Variants in NDE1 observed in about 807,000 individuals in gnomAD.
NDE1 encodes the protein nudE neurodevelopment protein 1.
Under a neutral mutation model 43.4 loss-of-function variants are expected in NDE1, and 28 were observed. The ratio of observed to expected loss-of-function variants is 0.65; its 90% CI spans 0.48 to 0.89. The LOEUF is 0.89. NDE1 is among the 40% of genes least tolerant of loss of function. The pLI, the probability that NDE1 is intolerant of heterozygous loss-of-function variation, is 0.00. For synonymous variants in NDE1, 184 were observed against 172.0 expected (o/e 1.07, Z -0.55); for missense variants, 441 against 434.1 (o/e 1.02, Z -0.14).
At chr16:15,644,884 A>C (rs1039594673) in intron 1 of NDE1, among the ~76,000 whole-genome samples, 8 of 152,140 alleles carry the variant, frequency 5.3e-5, no homozygotes, top group Non-Finnish European at 1.2e-4. Flanking sequence ...TTTAGCCAGA[A>C]AACATCAAAG....
chr16:15,722,161 A>T (rs1001169198), intron 8 of NDE1, among the ~76,000 whole-genome samples: 6 of 152,076 alleles, frequency 3.9e-5, no homozygotes, highest in Non-Finnish European at 8.8e-5. Flanking sequence ...ACCTGGCCAA[A>T]TCCTTGTGCT....
At chr16:15,664,430 C>T (rs2037199160) in intron 1 of NDE1, among the ~76,000 whole-genome samples, 1 of 152,098 alleles carries the variant, frequency 6.6e-6, no homozygotes, top group Non-Finnish European at 1.5e-5. Context: ...CATCTCGGCT[C>T]ACTGCAAGCT....
At chr16:15,715,115 G>A (rs2040049902) in intron 8 of NDE1, 2 of 1,612,308 alleles carry the variant, frequency 1.2e-6, no homozygotes, top group African/African-American at 2.7e-5. Context: ...GGTTAGGGGA[G>A]GCCGGCTGGG....
In NDE1 at chr16:15,724,884, T is replaced by C; in HGVS notation, c.*633T>C. 6.2e-7 allele frequency: 1 copy of C among 1,613,814 alleles called. No individual in the cohort carries two copies. Among genetic ancestry groups the C allele is most frequent in the East Asian group, 2.2e-5 (1 of 44,870 alleles). On this transcript the variant is annotated 3_prime_UTR_variant, in exon 9 of 9. Coordinates refer to ENST00000396354, the MANE Select transcript of NDE1 (RefSeq NM_017668.3). ...TCCCCTGGATGATGTGGCAGGACAC[T>C]CACCTGGGTGTCCTGGAGCTGGGAA...
At chr16:15,658,246 AT>A (rs1247262359) in intron 1 of NDE1, among the ~76,000 whole-genome samples, 1 of 152,188 alleles carries the variant, frequency 6.6e-6, no homozygotes, top group Non-Finnish European at 1.5e-5. Context: ...AGAGAGTTTC[AT>A]TTTTGACAGC....
chr16:15,709,487 A>G (rs762795109), intron 8 of NDE1, among the ~76,000 whole-genome samples: 1 of 151,930 alleles, frequency 6.6e-6, no homozygotes, highest in Non-Finnish European at 1.5e-5. Context: ...GCTAATTTTC[A>G]TATTTTTAGT....
At chr16:15,654,321 C>T (rs1201335014) in intron 1 of NDE1, among the ~76,000 whole-genome samples, 3 of 151,856 alleles carry the variant, frequency 2.0e-5, no homozygotes, top group East Asian at 1.9e-4. Context: ...ATGTGAGGGC[C>T]GGGTGCAATG....
chr16:15,680,350 A>G (rs1346539899), intron 4 of NDE1, among the ~76,000 whole-genome samples: 1 of 152,102 alleles, frequency 6.6e-6, no homozygotes, highest in Non-Finnish European at 1.5e-5. Flanking sequence ...AAATCTTGTA[A>G]AGATGCAGAC....
chr16:15,654,734 T>A (rs1183771994), intron 1 of NDE1, among the ~76,000 whole-genome samples: 1 of 148,462 alleles, frequency 6.7e-6, no homozygotes, highest in African/African-American at 2.5e-5. Context: ...TGAACTTGGA[T>A]CTAGTTTGCC....
Position 15,725,170 on chromosome 16 carries a change from A to G in NDE1, c.*919A>G. The stretch of plus-strand genomic sequence containing the variant: ...AAAAACACACACACACACAAAAAAA[A>G]CAGAATCTGTGGCTTGAAGGGAACT... On this transcript the variant is annotated 3_prime_UTR_variant, in exon 9 of 9. Coordinates refer to ENST00000396354, the MANE Select transcript of NDE1 (RefSeq NM_017668.3). 1.6e-6 allele frequency: 1 copy of G among 641,310 alleles called. No individual in the cohort carries two copies. The highest frequency in any genetic ancestry group is 2.7e-6 in the Non-Finnish European group (1 of 366,448). 39.7% of individuals were successfully genotyped at this position (641,310 alleles called of 1,614,324 possible). A position where few individuals can be genotyped will look rare whatever the true frequency, so the allele number is the denominator to read the frequency against.
At chr16:15,686,059 C>G (rs898663515) in intron 4 of NDE1, among the ~76,000 whole-genome samples, 1 of 151,494 alleles carries the variant, frequency 6.6e-6, no homozygotes, top group Non-Finnish European at 1.5e-5. Flanking sequence ...TCAAGCGATT[C>G]TCCTGTCTCA....
intron 8 of NDE1, chr16:15,702,093 C>G (rs1018635259): frequency 1.3e-5 from 2 of 152,308 alleles, no homozygotes; most frequent in African/African-American, 2.4e-5. Flanking sequence ...GTGCGTCATT[C>G]AAGGCATATT....
At chr16:15,666,534 G>A (rs2037315487) in intron 2 of NDE1, among the ~76,000 whole-genome samples, 1 of 152,150 alleles carries the variant, frequency 6.6e-6, no homozygotes, top group South Asian at 2.1e-4. Context: ...GCTTGAGCCT[G>A]GGAGGTCGAG....
At chr16:15,697,845 C>T (rs1160820642) in intron 8 of NDE1, among the ~76,000 whole-genome samples, 2 of 146,534 alleles carry the variant, frequency 1.4e-5, no homozygotes, top group South Asian at 2.2e-4. Context: ...CTTGCTCTGT[C>T]GCCTAGGCTG....
At chr16:15,662,322 G>A (rs7193102) in intron 1 of NDE1, among the ~76,000 whole-genome samples, 146 of 132,820 alleles carry the variant, frequency 1.1e-3, no homozygotes, top group African/African-American at 4.1e-3. Flanking sequence ...TTGATCTGTC[G>A]CCCAGGCTTG....
chr16:15,680,207 G>T (rs1486261409), intron 4 of NDE1, among the ~76,000 whole-genome samples: 2 of 152,014 alleles, frequency 1.3e-5, no homozygotes, highest in Non-Finnish European at 2.9e-5. Flanking sequence ...GCTTTTTTTA[G>T]CCGTAACTGG....
rs8046180 is a variant in NDE1, at chr16:15,721,599, G to A, written c.948-2592G>A. 2,694 of 1,614,128 alleles carry A rather than the reference G, an allele frequency of 1.7e-3. 39 individuals are homozygous for A. In the African/African-American group the frequency reaches 0.033, roughly 20 times the overall value. ...CCTCAGCTCTGTCCCTCTCATCCGCGTATTTGGAAGAGATGTTTTTCTCCT... is the reference window on the plus strand; with the variant it reads ...CCTCAGCTCTGTCCCTCTCATCCGCATATTTGGAAGAGATGTTTTTCTCCT... On this transcript the variant is annotated intron_variant, in intron 8 of 8. Transcript: ENST00000396354.
chr16:15,702,688 G>A (rs2039261929), intron 8 of NDE1, among the ~76,000 whole-genome samples: 1 of 152,080 alleles, frequency 6.6e-6, no homozygotes, highest in East Asian at 1.9e-4. Context: ...TTCCAGGTGT[G>A]AGCCACTGTA....
At chr16:15,680,466 T>A (rs904304641) in intron 4 of NDE1, among the ~76,000 whole-genome samples, 8 of 152,200 alleles carry the variant, frequency 5.3e-5, no homozygotes, top group African/African-American at 1.9e-4. Flanking sequence ...CGAGGTTTGA[T>A]CTGATACAGG....
Sources: gnomAD v4.1 joint callset for allele counts (sites outside exome capture counted in the v4.1 genomes callset) on GRCh38, gnomAD v4.1.1 for gene constraint, MANE v1.5 for transcripts, NCBI Gene and HGNC (gene_info 2026-07-23, HGNC 2026-07-21) for gene names.